Variants in NLRP12 observed in about 807,000 individuals in gnomAD.
NLRP12 encodes the protein NLR family pyrin domain containing 12.
NLRP12 carries 108 observed loss-of-function variants against 91.2 expected under a neutral mutation model. That is an observed-to-expected ratio of 1.18 (90% CI 1.01 to 1.39). The LOEUF is 1.39. NLRP12 is among the 40% of genes most tolerant of loss of function. The probability of loss-of-function intolerance (pLI) is 0.00; values close to 1 mark genes in which losing one functional copy is unlikely to be tolerated. For missense variants in NLRP12, 1,530 were observed against 1,352.7 expected, an observed-to-expected ratio of 1.13 and a Z score of -2.06; for synonymous variants, 613 against 566.7, an observed-to-expected ratio of 1.08 and a Z score of -1.16.
At chr19:53,807,053 A>C (rs1448977919) in intron 4 of NLRP12, among the ~76,000 whole-genome samples, 1 of 151,366 alleles carries the variant, frequency 6.6e-6, no homozygotes, top group Non-Finnish European at 1.5e-5. Flanking sequence ...TATGTGGTGA[A>C]GCCACCCAGT....
Position 53,824,045 on chromosome 19 carries a change from G to A in NLRP12, c.130C>T (p.Pro44Ser). Reference protein sequence around the residue: ...TATELGEGKIPWGSMEKAGPL... With the variant: ...TATELGEGKISWGSMEKAGPL... Reference sequence around the variant, plus strand: ...CCGGCCTTCTCCATGCTTCCCCAGGGGATCTTGCCTTCTCCCAGCTCTGTC... The same window carrying A: ...CCGGCCTTCTCCATGCTTCCCCAGGAGATCTTGCCTTCTCCCAGCTCTGTC... Residue 44 changes from proline (P) to serine (S), a missense_variant, in exon 1 of 10, where the codon CCC becomes TCC. Coordinates refer to ENST00000324134, the MANE Select transcript of NLRP12 (RefSeq NM_144687.4). 1 of 1,614,110 alleles carries A rather than the reference G, an allele frequency of 6.2e-7. No individual in the cohort carries two copies. Among genetic ancestry groups the A allele is most frequent in the South Asian group, 1.1e-5 (1 of 91,084 alleles).
chr19:53,809,837 G>A lies in NLRP12; in HGVS notation c.1822C>T (p.Gln608Ter), dbSNP rs1326827275. Reference sequence around the variant, plus strand: ...CAGCTGAAGAACTCCAAGGAGCCCTGCTGCAGGGTGGAGCCGTCGCTCTGA... The same window carrying A: ...CAGCTGAAGAACTCCAAGGAGCCCTACTGCAGGGTGGAGCCGTCGCTCTGA... ...KAQSDGSTLQ[Q>*]GSLEFFSCLY... Residue 608 changes from glutamine (Q) to a stop codon, truncating the protein, a stop_gained, in exon 3 of 10, where the codon CAG becomes TAG. Coordinates refer to ENST00000324134, the MANE Select transcript of NLRP12 (RefSeq NM_144687.4). LOFTEE classifies it high-confidence loss of function. The A allele has an allele frequency of 1.9e-6, 3 of 1,614,134 alleles. No individual in the cohort carries two copies. The highest frequency in any genetic ancestry group is 2.5e-6 in the Non-Finnish European group (3 of 1,180,030).
rs1043656603 is a variant in NLRP12, at chr19:53,801,173, A to AG, written c.2756+53dup. 2.6e-6 allele frequency: 4 copies of AG among 1,547,650 alleles called. No homozygotes were observed. In the African/African-American group the frequency reaches 5.5e-5, roughly 21 times the overall value. ...CCTGGCCTCCGTGGTCCCAGGTGAGAGGGCTGCGTTCATGGATTGGGACTC... is the reference window on the plus strand; with the variant it reads ...CCTGGCCTCCGTGGTCCCAGGTGAGAGGGGCTGCGTTCATGGATTGGGACTC... On this transcript the variant is annotated intron_variant, in intron 7 of 9. Coordinates refer to ENST00000324134, the MANE Select transcript of NLRP12 (RefSeq NM_144687.4).
rs2092055408 is a variant in NLRP12, at chr19:53,810,697, T to G, written c.962A>C (p.Glu321Ala). The G allele has an allele frequency of 1.2e-6, 2 of 1,613,764 alleles. No individual in the cohort carries two copies. Among genetic ancestry groups the G allele is most frequent in the Non-Finnish European group, 8.5e-7 (1 of 1,179,874 alleles). ...CLCWEEKRPT[E>A]LLLNSLIRKK... ...CCGAATTAAGCTGTTAAGAAGCAGC[T>G]CCGTGGGCCGTTTCTCCTCCCAGCA... The change falls in exon 3 of 10, where the codon GAG becomes GCG. Residue 321 changes from glutamate to alanine, a missense_variant. Transcript: ENST00000324134.
At chr19:53,822,724 G>A (rs1300026644) in intron 1 of NLRP12, among the ~76,000 whole-genome samples, 6 of 122,406 alleles carry the variant, frequency 4.9e-5, no homozygotes, top group African/African-American at 1.3e-4. Context: ...GCAACAGAGC[G>A]AGACTCAGTC....
Position 53,796,034 on chromosome 19 carries a change from T to G in NLRP12, c.2928-5A>C, listed in dbSNP as rs2091752656. The G allele has an allele frequency of 6.2e-7, 1 of 1,613,862 alleles. No individual in the cohort carries two copies. The highest frequency in any genetic ancestry group is 8.5e-7 in the Non-Finnish European group (1 of 1,179,910). ...GTGAGGCCACAGCTATCCAGCCTGG[T>G]GAAGATAAGGAGTTGGTTAAGGTAA... On this transcript the variant is annotated splice_polypyrimidine_tract_variant and splice_region_variant and intron_variant, in intron 8 of 9. Coordinates refer to ENST00000324134, the MANE Select transcript of NLRP12 (RefSeq NM_144687.4).
rs2092027168 is a variant in NLRP12, at chr19:53,809,691, G to A, written c.1968C>T (p.Arg656=). ...EHMVSSFCLK[R]CRSAQVLHLY... ...AGTGCAGCACCTGGGCGCTCCTGCA[G>A]CGCTTCAGACAGAACGAGGAGACCA... The change falls in exon 3 of 10, where the codon CGC becomes CGT. Residue 656 remains arginine (R), a synonymous_variant. Transcript: ENST00000324134. 2.5e-6 allele frequency: 4 copies of A among 1,614,138 alleles called. No individual in the cohort carries two copies. Among genetic ancestry groups the A allele is most frequent in the Non-Finnish European group, 2.5e-6 (3 of 1,180,020 alleles).
chr19:53,808,865 A>G (rs1417525641), intron 3 of NLRP12, among the ~76,000 whole-genome samples: 1 of 152,014 alleles, frequency 6.6e-6, no homozygotes, highest in African/African-American at 2.4e-5. Context: ...TTTATCCACT[A>G]GATGTCAGTA....
Position 53,810,254 on chromosome 19 carries a change from G to A in NLRP12, c.1405C>T (p.Leu469Phe), listed in dbSNP as rs1421675162. The A allele has an allele frequency of 1.2e-6, 2 of 1,614,100 alleles. No individual in the cohort carries two copies. Among genetic ancestry groups the A allele is most frequent in the African/African-American group, 1.3e-5 (1 of 75,060 alleles). The change falls in exon 3 of 10, where the codon CTC (leucine) becomes TTC (phenylalanine). Residue 469 changes from leucine to phenylalanine, a missense_variant. Coordinates refer to ENST00000324134, the MANE Select transcript of NLRP12 (RefSeq NM_144687.4). ...TCAAATAGGATTTTCTGATTCCAGA[G>A]CCCATCTGCCGCCAAGGAGCACAAC... ...RGLCSLAADG[L>F]WNQKILFEEQ...
rs750274008 is a variant in NLRP12 at position 53,824,115 on chromosome 19, G to A, written c.60C>T (p.Leu20=). 10 of 1,614,030 alleles carry A rather than the reference G, an allele frequency of 6.2e-6. No homozygotes were observed. The highest frequency in any genetic ancestry group is 2.2e-5 in the South Asian group (2 of 91,076). Reference sequence around the variant, plus strand: ...TGAACTTCTTCAGTTCCACAGCCTCGAGTTCTTCCAAGTAGGTGGACAGGC... The same window carrying A: ...TGAACTTCTTCAGTTCCACAGCCTCAAGTTCTTCCAAGTAGGTGGACAGGC... The part of the protein sequence containing the change: ...LCRLSTYLEE[L]EAVELKKFKL... Residue 20 remains leucine, a synonymous_variant, in exon 1 of 10, where the codon CTC becomes CTT. Transcript: ENST00000324134.
intron 2 of NLRP12, among the ~76,000 whole-genome samples, chr19:53,814,673 T>C (rs896907262): frequency 1.3e-5 from 2 of 152,150 alleles, no homozygotes; most frequent in African/African-American, 4.8e-5. Flanking sequence ...TTGTTGCCCC[T>C]GCGTGTATGA....
chr19:53,811,272 G>A lies in NLRP12; in HGVS notation c.387C>T (p.Tyr129=), dbSNP rs749761816. Residue 129 remains tyrosine, a synonymous_variant, in exon 3 of 10, where the codon TAC becomes TAT. Transcript: ENST00000324134. ...GGAATTTCCTGCGGACATAGTCCCT[G>A]TAGGTTTCCTGGGGATCTAGGGGAG... ...VTPRKDPQET[Y]RDYVRRKFRL... The A allele has an allele frequency of 1.2e-6, 2 of 1,613,812 alleles. No individual in the cohort carries two copies. Among genetic ancestry groups the A allele is most frequent in the Admixed American group, 1.7e-5 (1 of 59,970 alleles).
chr19:53,823,405 TA>T (rs1424077022), intron 1 of NLRP12, among the ~76,000 whole-genome samples: 1 of 129,408 alleles, frequency 7.7e-6, no homozygotes, highest in Non-Finnish European at 1.6e-5. Flanking sequence ...AATATATATT[TA>T]AAATATATGT....
chr19:53,794,889 TGTG>T (rs2091721502), intron 9 of NLRP12, among the ~76,000 whole-genome samples: 2 of 151,524 alleles, frequency 1.3e-5, no homozygotes, highest in Admixed American at 1.3e-4. Context: ...TTAGTAGAGA[TGTG>T]GTTTTGCTAT....
chr19:53,811,847 G>A (rs1212429361), intron 2 of NLRP12, among the ~76,000 whole-genome samples: 5 of 152,088 alleles, frequency 3.3e-5, no homozygotes, highest in African/African-American at 1.2e-4. Flanking sequence ...TTAGAGGCAT[G>A]AGCCACTGTG....
chr19:53,822,396 C>T (rs1409524991), intron 1 of NLRP12, among the ~76,000 whole-genome samples: 2 of 151,698 alleles, frequency 1.3e-5, no homozygotes, highest in Non-Finnish European at 2.9e-5. Flanking sequence ...GGTGGAAGCT[C>T]GCTTGAGCCC....
At chr19:53,814,262 G>A (rs1362992043) in intron 2 of NLRP12, among the ~76,000 whole-genome samples, 1 of 152,146 alleles carries the variant, frequency 6.6e-6, no homozygotes, top group Admixed American at 6.6e-5. Context: ...GTCAGTGGTT[G>A]CTCTGAGAAT....
chr19:53,807,443 T>G, intron 4 of NLRP12, 52 bp downstream of exon 4: 27 of 1,562,582 alleles, frequency 1.7e-5, no homozygotes, highest in Non-Finnish European at 2.2e-5. Context: ...CTGATCCCCA[T>G]GAGAGGCCAC....
intron 9 of NLRP12, among the ~76,000 whole-genome samples, chr19:53,794,547 C>T (rs1183152492): frequency 5.3e-5 from 3 of 56,232 alleles, no homozygotes; most frequent in African/African-American, 2.3e-4. Flanking sequence ...GTCCTAGTCT[C>T]CTAACCTCGT....
Sources: gnomAD v4.1 joint callset for allele counts (sites outside exome capture counted in the v4.1 genomes callset) on GRCh38, gnomAD v4.1.1 for gene constraint, MANE v1.5 for transcripts, NCBI Gene and HGNC (gene_info 2026-07-23, HGNC 2026-07-21) for gene names.